FAM219A: variants seen among roughly 807,000 people sequenced by gnomAD.
FAM219A encodes protein FAM219A.
Under a neutral mutation model 23.4 loss-of-function variants are expected in FAM219A, and 7 were observed. That is an observed-to-expected ratio of 0.30 (90% confidence interval 0.17 to 0.56). The LOEUF (loss-of-function observed/expected upper bound fraction) is 0.56, where lower values mean the gene tolerates loss of function less well. FAM219A is among the 20% of genes least tolerant of loss of function. The probability of loss-of-function intolerance (pLI) is 0.92; values close to 1 mark genes in which losing one functional copy is unlikely to be tolerated. For synonymous variants in FAM219A, 93 were observed against 99.0 expected (o/e 0.94, Z 0.36); for missense variants, 166 against 246.9 (o/e 0.67, Z 2.20).
chr9:34,416,810 T>TG (rs1588043432), intron 1 of FAM219A, among the ~76,000 whole-genome samples: 1 of 9,000 alleles, frequency 1.1e-4, no homozygotes, highest in East Asian at 1.5e-3. Context: ...AGCTCTCCAT[T>TG]TTTTTTTTTT....
chr9:34,416,233 A>T (rs1350034945), intron 1 of FAM219A, among the ~76,000 whole-genome samples: 1 of 134,204 alleles, frequency 7.5e-6, no homozygotes, highest in Admixed American at 7.6e-5. Context: ...GAAAGAAAGA[A>T]AGAAAGAAAG....
intron 1 of FAM219A, among the ~76,000 whole-genome samples, chr9:34,438,618 TAAAC>T (rs1823030245): frequency 6.6e-6 from 1 of 152,158 alleles, no homozygotes; most frequent in African/African-American, 2.4e-5. Flanking sequence ...TCAAGGTTTA[TAAAC>T]AAACCAATCA....
chr9:34,454,107 T>C lies in FAM219A; in HGVS notation c.60+4097A>G, dbSNP rs114489762. On this transcript the variant is annotated intron_variant, in intron 1 of 5. Coordinates refer to ENST00000651358, the MANE Select transcript of FAM219A (RefSeq NM_001184940.2). ...TAGATACAGCAGGAATGGAGTCCAGTGGATAGGTCTCTAAGAGGAGCTCTC... is the reference window on the plus strand; with the variant it reads ...TAGATACAGCAGGAATGGAGTCCAGCGGATAGGTCTCTAAGAGGAGCTCTC... Among the ~76,000 whole-genome samples, 338 of 152,290 alleles carry C rather than the reference T, an allele frequency of 2.2e-3. 1 individual carries two copies. The highest frequency in any genetic ancestry group is 7.4e-3 in the African/African-American group (309 of 41,560).
chr9:34,446,159 CGA>C (rs1823361772), intron 1 of FAM219A, among the ~76,000 whole-genome samples: 1 of 133,722 alleles, frequency 7.5e-6, no homozygotes, highest in African/African-American at 3.0e-5. Context: ...GGCAACAGAG[CGA>C]GACTCTGTCT....
Position 34,398,465 on chromosome 9 carries a change from A to G in FAM219A, c.*2499T>C. The stretch of plus-strand genomic sequence containing the variant: ...CCTCCAACCTCCCAGACAGGGAAGG[A>G]GGGAGCCACACCCCTCCCTAGACAC... On this transcript the variant is annotated 3_prime_UTR_variant, in exon 6 of 6. Coordinates refer to ENST00000651358, the MANE Select transcript of FAM219A (RefSeq NM_001184940.2). The G allele has an allele frequency of 1.5e-6, 2 of 1,314,684 alleles. No individual in the cohort carries two copies. The highest frequency in any genetic ancestry group is 2.0e-5 in the Admixed American group (1 of 49,174). 81.4% of individuals were successfully genotyped at this position (1,314,684 alleles called of 1,614,324 possible).
chr9:34,450,133 GA>G (rs1358247888), intron 1 of FAM219A, among the ~76,000 whole-genome samples: 1 of 152,000 alleles, frequency 6.6e-6, no homozygotes, highest in African/African-American at 2.4e-5. Flanking sequence ...GCAACATGGC[GA>G]AACCCCTTCT....
intron 1 of FAM219A, among the ~76,000 whole-genome samples, chr9:34,425,385 C>A (rs1015701754): frequency 6.6e-6 from 1 of 152,106 alleles, no homozygotes; most frequent in African/African-American, 2.4e-5. Context: ...GAGGCTGAGG[C>A]AGGAGAATCT....
intron 1 of FAM219A, among the ~76,000 whole-genome samples, chr9:34,430,137 A>G (rs1455626806): frequency 6.6e-6 from 1 of 152,142 alleles, no homozygotes; most frequent in Non-Finnish European, 1.5e-5. Flanking sequence ...CCTGGAGGGG[A>G]TAAGGGGGAA....
At chr9:34,423,181 C>T (rs1250204103) in intron 1 of FAM219A, among the ~76,000 whole-genome samples, 2 of 151,992 alleles carry the variant, frequency 1.3e-5, no homozygotes, top group Non-Finnish European at 2.9e-5. Flanking sequence ...TAATAAGGCC[C>T]CTGCCCATGA....
chr9:34,450,876 T>C (rs1823540415), intron 1 of FAM219A, among the ~76,000 whole-genome samples: 1 of 152,232 alleles, frequency 6.6e-6, no homozygotes, highest in African/African-American at 2.4e-5. Context: ...TCTTGTCATA[T>C]GTTTAGACTT....
At chr9:34,451,557 C>A (rs1405231031) in intron 1 of FAM219A, among the ~76,000 whole-genome samples, 1 of 148,684 alleles carries the variant, frequency 6.7e-6, no homozygotes, top group South Asian at 2.2e-4. Flanking sequence ...CGAGGCTCCA[C>A]CTGCCTTTTT....
At chr9:34,405,591 G>A (rs1821603773) in intron 2 of FAM219A, among the ~76,000 whole-genome samples, 1 of 152,110 alleles carries the variant, frequency 6.6e-6, no homozygotes, top group Non-Finnish European at 1.5e-5. Context: ...CCTCTCTCTG[G>A]GGTTCCATGC....
Position 34,402,133 on chromosome 9 carries a change from G to A in FAM219A, c.344+254C>T, listed in dbSNP as rs1018964836. The A allele has an allele frequency of 1.5e-5, 22 of 1,444,782 alleles. No homozygotes were observed. In the African/African-American group the frequency reaches 2.7e-4, roughly 18 times the overall value. 89.5% of individuals were successfully genotyped at this position (1,444,782 alleles called of 1,614,324 possible). A position where few individuals can be genotyped will look rare whatever the true frequency, so the allele number is the denominator to read the frequency against. ...CAGAGACAACATCACAGGCCAATTAGGGACAACCATTGGATCAGTTGTCCC... is the reference window on the plus strand; with the variant it reads ...CAGAGACAACATCACAGGCCAATTAAGGACAACCATTGGATCAGTTGTCCC... On this transcript the variant is annotated intron_variant, in intron 4 of 5. Coordinates refer to ENST00000651358, the MANE Select transcript of FAM219A (RefSeq NM_001184940.2).
chr9:34,458,430 T>G lies in FAM219A; in HGVS notation c.-167A>C. The G allele has an allele frequency of 2.7e-6, 1 of 370,802 alleles. No individual in the cohort carries two copies. Among genetic ancestry groups the G allele is most frequent in the East Asian group, 5.2e-5 (1 of 19,270 alleles). 23.0% of individuals were successfully genotyped at this position (370,802 alleles called of 1,614,324 possible). On this transcript the variant is annotated 5_prime_UTR_variant, in exon 1 of 6. Transcript: ENST00000651358. This position sits in a 1 kb window ranked among gnomAD's most constrained non-coding sequence, Gnocchi z 6.6. ...TGCAGGGGTGGGCGGGGGCGAGAGG[T>G]TCGCAGACTGGCTGAGGCCGGCGTG...
intron 1 of FAM219A, among the ~76,000 whole-genome samples, chr9:34,449,181 C>T (rs1013389845): frequency 2.6e-5 from 4 of 151,818 alleles, no homozygotes; most frequent in Non-Finnish European, 1.5e-5. Flanking sequence ...CAGAAAAAAA[C>T]AAAAATTAGC....
rs1287005584 is a variant in FAM219A at position 34,398,383 on chromosome 9, A to AGAGAGGAGGGAGGGAG, written c.*2580_*2581insCTCCCTCCCTCCTCTC. 1 of 1,550,350 alleles carries AGAGAGGAGGGAGGGAG rather than the reference A, an allele frequency of 6.5e-7. No homozygotes were observed. The highest frequency in any genetic ancestry group is 8.7e-7 in the Non-Finnish European group (1 of 1,146,782). On this transcript the variant is annotated 3_prime_UTR_variant, in exon 6 of 6. Coordinates refer to ENST00000651358, the MANE Select transcript of FAM219A (RefSeq NM_001184940.2). ...ACAGCTGAGAGAGGAGGGAGTGTTA[A>AGAGAGGAGGGAGGGAG]GGCAGTATCTACAAGGGGAAGGGTG...
At chr9:34,406,246 G>T (rs1042683125) in intron 1 of FAM219A, 9 of 969,810 alleles carry the variant, frequency 9.3e-6, no homozygotes, top group Non-Finnish European at 1.1e-5. Context: ...AGCCCATCAT[G>T]ATTTCTTTAA....
chr9:34,434,001 G>T (rs1822809210), intron 1 of FAM219A, among the ~76,000 whole-genome samples: 2 of 151,976 alleles, frequency 1.3e-5, no homozygotes, highest in Admixed American at 1.3e-4. Context: ...AGGAGATCAA[G>T]ACCATCCTGG....
chr9:34,450,597 T>G (rs554346566), intron 1 of FAM219A, among the ~76,000 whole-genome samples: 15 of 152,196 alleles, frequency 9.9e-5, no homozygotes, highest in African/African-American at 3.4e-4. Context: ...TTTTGTATTT[T>G]TAGTAGGGAC....
Sources: gnomAD v4.1 joint callset for allele counts (sites outside exome capture counted in the v4.1 genomes callset) on GRCh38, gnomAD v4.1.1 for gene constraint, Gnocchi (gnomAD v3.1) non-coding constraint, MANE v1.5 for transcripts, NCBI Gene and HGNC (gene_info 2026-07-23, HGNC 2026-07-21) for gene names.